DLEC1: variants seen among roughly 807,000 people sequenced by gnomAD.
DLEC1 encodes the protein DLEC1 cilia and flagella associated protein.
DLEC1 carries 146 observed loss-of-function variants against 198.1 expected under a neutral mutation model. The ratio of observed to expected loss-of-function variants is 0.74; its 90% CI spans 0.64 to 0.85. The LOEUF is 0.85. Among genes scored for constraint, DLEC1 ranks in the 40% least tolerant of loss-of-function variants. DLEC1 has a pLI of 0.00. For synonymous variants in DLEC1, 897 were observed against 866.8 expected, an observed-to-expected ratio of 1.03 and a Z score of -0.61; for missense variants, 2,233 against 2,220.0, an observed-to-expected ratio of 1.01 and a Z score of -0.12.
chr3:38,091,109 A>G (rs1698724178), intron 10 of DLEC1, among the ~76,000 whole-genome samples: 1 of 152,236 alleles, frequency 6.6e-6, no homozygotes, highest in South Asian at 2.1e-4. Context: ...TACTAGAAGA[A>G]AATGGTGGAA....
At chr3:38,118,786 A>C (rs533346050) in intron 33 of DLEC1, among the ~76,000 whole-genome samples, 1 of 152,130 alleles carries the variant, frequency 6.6e-6, no homozygotes, top group East Asian at 1.9e-4. Context: ...GCCAGGTCCT[A>C]GCCTCACTCT....
intron 1 of DLEC1, among the ~76,000 whole-genome samples, chr3:38,043,525 A>ACTT (rs759455836): frequency 1.3e-5 from 2 of 152,176 alleles, no homozygotes; most frequent in African/African-American, 4.8e-5. Flanking sequence ...AGATTTAGTT[A>ACTT]CTTCTTCTTA....
At chr3:38,102,301 C>T (rs1031901004) in intron 19 of DLEC1, among the ~76,000 whole-genome samples, 2 of 152,198 alleles carry the variant, frequency 1.3e-5, no homozygotes, top group African/African-American at 2.4e-5. Flanking sequence ...CCTGATTGCT[C>T]TTGCTCTTGT....
chr3:38,046,317 C>T (rs886641187), intron 2 of DLEC1, among the ~76,000 whole-genome samples: 2 of 152,098 alleles, frequency 1.3e-5, no homozygotes, highest in Non-Finnish European at 2.9e-5. Context: ...TTGTAGCTCC[C>T]GTAATCCCCA....
intron 21 of DLEC1, among the ~76,000 whole-genome samples, chr3:38,109,143 T>G (rs1430404832): frequency 6.6e-6 from 1 of 152,186 alleles, no homozygotes; most frequent in Non-Finnish European, 1.5e-5. Context: ...GGTAGCAGCT[T>G]CATCAGAGGA....
Position 38,062,258 on chromosome 3 carries a change from T to G in DLEC1, c.763T>G (p.Ser255Ala), listed in dbSNP as rs753574986. Residue 255 changes from serine to alanine, a missense_variant, in exon 4 of 37, where the codon TCA becomes GCA. By Grantham distance (99) the Ser-to-Ala change is moderately conservative. Transcript: ENST00000308059. ...AGAGCTGAACAAGAAGCTTGAAGAT[T>G]CATGCAGGAAGAAGCTTGCTGAGTT... ...KKELNKKLED[S>A]CRKKLAEFED... 1 of 1,614,220 alleles carries G rather than the reference T, an allele frequency of 6.2e-7. No homozygotes were observed.
At chr3:38,071,075 G>A (rs542520821) in intron 6 of DLEC1, among the ~76,000 whole-genome samples, 43 of 152,300 alleles carry the variant, frequency 2.8e-4, no homozygotes, top group African/African-American at 9.4e-4. Flanking sequence ...TTGGGGCAGC[G>A]TGGGAACCTA....
In DLEC1 at chr3:38,081,105, CAT is replaced by C. The variant is rs545865252; in HGVS notation, c.1174-3052_1174-3051del. Among the ~76,000 whole-genome samples, 531 of 140,180 alleles carry C rather than the reference CAT, an allele frequency of 3.8e-3. 3 individuals carry two copies. Among genetic ancestry groups the C allele is most frequent in the African/African-American group, 0.013 (476 of 36,880 alleles). 92.0% of individuals were successfully genotyped at this position (140,180 alleles called of 152,430 possible). A position where few individuals can be genotyped will look rare whatever the true frequency, so the allele number is the denominator to read the frequency against. ...CATTTAACCCTGAGTGGACACAGCA[CAT>C]GTTTCAGAGAGCACAGGGTTGGGGG... On this transcript the variant is annotated intron_variant, in intron 6 of 36. Coordinates refer to ENST00000308059, the MANE Select transcript of DLEC1 (RefSeq NM_007335.4).
chr3:38,084,533 G>GGTT (rs1698308485), intron 7 of DLEC1, among the ~76,000 whole-genome samples: 1 of 130,190 alleles, frequency 7.7e-6, no homozygotes, highest in African/African-American at 3.0e-5. Context: ...TAGTAGTAGT[G>GGTT]GTGGTGGTAG....
At chr3:38,096,500 G>C in intron 14 of DLEC1, 69 bp from the exon 15 acceptor site, 1 of 1,523,340 alleles carries the variant, frequency 6.6e-7, no homozygotes, top group Admixed American at 2.1e-5. Context: ...ACGTGGGACA[G>C]AGGCAGGGAC....
intron 26 of DLEC1, 40 bp from the exon 27 acceptor site, chr3:38,114,943 C>A: frequency 6.3e-7 from 1 of 1,589,816 alleles, no homozygotes; most frequent in Non-Finnish European, 8.6e-7. Flanking sequence ...AAGGTGTACG[C>A]TGGCTGTGGC....
In DLEC1 at chr3:38,122,607, G is replaced by A. The variant is rs988050516; in HGVS notation, c.*195G>A. On this transcript the variant is annotated 3_prime_UTR_variant, in exon 37 of 37. Coordinates refer to ENST00000308059, the MANE Select transcript of DLEC1 (RefSeq NM_007335.4). ...GATATGTCCTCAGAGCTAACATAAA[G>A]GACAGGCCACACCACAGCAGAGACC... is the stretch of plus-strand genomic sequence containing the variant. The A allele has an allele frequency of 1.9e-6, 3 of 1,566,814 alleles. No homozygotes were observed. The highest frequency in any genetic ancestry group is 2.6e-6 in the Non-Finnish European group (3 of 1,160,490).
Position 38,116,475 on chromosome 3 carries a change from C to G in DLEC1, c.3879C>G (p.Thr1293=), listed in dbSNP as rs761758368. 1 of 1,614,058 alleles carries G rather than the reference C, an allele frequency of 6.2e-7. No homozygotes were observed. Among genetic ancestry groups the G allele is most frequent in the Non-Finnish European group, 8.5e-7 (1 of 1,179,986 alleles). Reference sequence around the variant, plus strand: ...CAGACATCCGCCTGGATTGGGAGACCTATGTTCCAGAAGACAAGGAAGACC... The same window carrying G: ...CAGACATCCGCCTGGATTGGGAGACGTATGTTCCAGAAGACAAGGAAGACC... ...SPCDIRLDWE[T]YVPEDKEDRL... The change falls in exon 28 of 37, where the codon ACC becomes ACG. Residue 1293 remains threonine, a synonymous_variant. Transcript: ENST00000308059.
At chr3:38,074,578 G>T (rs1476163719) in intron 6 of DLEC1, among the ~76,000 whole-genome samples, 2 of 152,188 alleles carry the variant, frequency 1.3e-5, no homozygotes, top group East Asian at 3.8e-4. Context: ...CAACTAGGCA[G>T]GAAATCATGT....
At chr3:38,060,222 C>T (rs1302326792) in intron 3 of DLEC1, among the ~76,000 whole-genome samples, 1 of 152,142 alleles carries the variant, frequency 6.6e-6, no homozygotes, top group Non-Finnish European at 1.5e-5. Context: ...ATGGGTTTTC[C>T]CATGCAGGAA....
At chr3:38,099,486 G>A (rs774999911) in intron 18 of DLEC1, among the ~76,000 whole-genome samples, 3 of 152,172 alleles carry the variant, frequency 2.0e-5, no homozygotes, top group Non-Finnish European at 1.5e-5. Context: ...CAAAAATAAT[G>A]TTGGGATTTG....
chr3:38,094,962 G>C lies in DLEC1; in HGVS notation c.2003G>C (p.Ser668Thr), dbSNP rs780045813. The C allele has an allele frequency of 1.8e-5, 29 of 1,614,194 alleles. No individual in the cohort carries two copies. The highest frequency in any genetic ancestry group is 1.6e-4 in the Middle Eastern group (1 of 6,062). ...CCTGGAGAAACCTTCAGCATGGACA[G>C]CATCAAGTGCTACCCCGACAAGGAG... The part of the protein sequence containing the change: ...LMPGETFSMD[S>T]IKCYPDKETA... The change falls in exon 13 of 37, where the codon AGC becomes ACC. Residue 668 changes from serine to threonine, a missense_variant. Coordinates refer to ENST00000308059, the MANE Select transcript of DLEC1 (RefSeq NM_007335.4).
chr3:38,116,149 C>A (rs1225300224), intron 27 of DLEC1, among the ~76,000 whole-genome samples: 1 of 152,094 alleles, frequency 6.6e-6, no homozygotes, highest in East Asian at 1.9e-4. Context: ...CACAAACAGG[C>A]CGGAAGGAGA....
intron 1 of DLEC1, 122 bp downstream of exon 1, chr3:38,039,758 C>T (rs1559385436): frequency 4.5e-6 from 6 of 1,347,482 alleles, no homozygotes; most frequent in Non-Finnish European, 5.0e-6. Context: ...AGAAACAGCC[C>T]ATCATGCCGA....
Sources: allele counts gnomAD v4.1 joint callset (sites outside exome capture counted in the v4.1 genomes callset), GRCh38; gene constraint gnomAD v4.1.1; transcripts MANE v1.5; gene names NCBI Gene and HGNC (gene_info 2026-07-23, HGNC 2026-07-21).